SYNCRIP: variants seen among roughly 807,000 people sequenced by gnomAD.
SYNCRIP encodes synaptotagmin binding cytoplasmic RNA interacting protein.
A neutral mutation model predicts 68.9 loss-of-function variants in SYNCRIP; 9 were observed. The ratio of observed to expected loss-of-function variants is 0.13; its 90% CI spans 0.08 to 0.23. The LOEUF is 0.23. Among genes scored for constraint, SYNCRIP ranks in the 10% least tolerant of loss-of-function variants. SYNCRIP has a pLI of 1.00. For missense variants in SYNCRIP, 414 were observed against 770.6 expected, an observed-to-expected ratio of 0.54 and a Z score of 5.48; for synonymous variants, 258 against 254.0, an observed-to-expected ratio of 1.02 and a Z score of -0.15.
chr6:85,611,257 T>C (rs1463160152), downstream of SYNCRIP: 1 of 152,350 alleles, frequency 6.6e-6, no homozygotes, highest in African/African-American at 2.4e-5. Context: ...CACACATTTA[T>C]ATTAATGACA....
chr6:85,636,567 A>G (rs1808477237), intron 6 of SYNCRIP, among the ~76,000 whole-genome samples: 2 of 152,228 alleles, frequency 1.3e-5, no homozygotes, highest in Admixed American at 6.5e-5. Context: ...CTTTTGTTTC[A>G]TCAACTAGAA....
At chr6:85,640,870 A>G (rs541297174) in intron 2 of SYNCRIP, among the ~76,000 whole-genome samples, 1 of 152,168 alleles carries the variant, frequency 6.6e-6, no homozygotes, top group South Asian at 2.1e-4. Context: ...TCAACCAACA[A>G]AGTACCAAGC....
intron 10 of SYNCRIP, among the ~76,000 whole-genome samples, chr6:85,617,688 A>G (rs1805941233): frequency 6.6e-6 from 1 of 152,268 alleles, no homozygotes; most frequent in African/African-American, 2.4e-5. Context: ...CAACTGGACA[A>G]TTAACTGCAG....
chr6:85,618,885 A>T lies in SYNCRIP; in HGVS notation c.1213T>A (p.Phe405Ile), dbSNP rs1806076651. The change falls in exon 10 of 11, where the codon TTT becomes ATT. Residue 405 changes from phenylalanine to isoleucine, a missense_variant. Physicochemically the swap from Phe to Ile is conservative, Grantham distance 21. Around this residue, in one of 6 missense-constraint regions of SYNCRIP, gnomAD observed 51 missense variants for 151.1 expected, o/e 0.34. Transcript: ENST00000369622. ...DLEGENIEIVFAKPPDQKRKE... is the reference protein window; with the variant it reads ...DLEGENIEIVIAKPPDQKRKE... Reference sequence around the variant, plus strand: ...CTTTTCTGATCTGGTGGCTTGGCAAAAACAATTTCAATATTTTCTCCCTCC... The same window carrying T: ...CTTTTCTGATCTGGTGGCTTGGCAATAACAATTTCAATATTTTCTCCCTCC... 1 of 1,613,064 alleles carries T rather than the reference A, an allele frequency of 6.2e-7. No homozygotes were observed. Among genetic ancestry groups the T allele is most frequent in the African/African-American group, 1.3e-5 (1 of 74,854 alleles).
At chr6:85,630,450 T>G (rs1227201820) in intron 6 of SYNCRIP, among the ~76,000 whole-genome samples, 1 of 152,246 alleles carries the variant, frequency 6.6e-6, no homozygotes, top group Non-Finnish European at 1.5e-5. Flanking sequence ...TAGCATTTCA[T>G]CAGGATATTT....
intron 4 of SYNCRIP, among the ~76,000 whole-genome samples, chr6:85,639,834 G>A (rs1436613914): frequency 6.6e-6 from 1 of 152,018 alleles, no homozygotes; most frequent in East Asian, 1.9e-4. Flanking sequence ...GGGCAGCAGG[G>A]TTAACATTCT....
chr6:85,641,572 A>G (rs1283379042), intron 1 of SYNCRIP, 121 bp from the exon 2 acceptor site: 2 of 981,250 alleles, frequency 2.0e-6, no homozygotes, highest in African/African-American at 3.3e-5. Flanking sequence ...ACCTCCCTTT[A>G]AAAAAGCCTT....
At chr6:85,621,367 AT>A (rs376213419) in intron 8 of SYNCRIP, among the ~76,000 whole-genome samples, 8 of 152,306 alleles carry the variant, frequency 5.3e-5, no homozygotes, top group African/African-American at 1.9e-4. Context: ...TAATCCCAGC[AT>A]TTTGGGAAGC....
chr6:85,629,624 C>T (rs1807479088), intron 6 of SYNCRIP, among the ~76,000 whole-genome samples: 1 of 151,396 alleles, frequency 6.6e-6, no homozygotes, highest in South Asian at 2.1e-4. Context: ...GAATTTGAGA[C>T]CAGCCTGGCC....
At chr6:85,643,314 C>T (rs573617347), upstream of SYNCRIP, 2 of 152,388 alleles carry the variant, frequency 1.3e-5, no homozygotes, top group Non-Finnish European at 2.9e-5. Flanking sequence ...CTCTCTTTCT[C>T]TCTCCCGCGC....
At chr6:85,613,068 A>G (rs1253406429), downstream of SYNCRIP, 1 of 936,566 alleles carries the variant, frequency 1.1e-6, no homozygotes, top group Non-Finnish European at 1.5e-6. Flanking sequence ...TTTAATAACT[A>G]TGAACTTCTT....
intron 4 of SYNCRIP, among the ~76,000 whole-genome samples, chr6:85,639,273 A>T (rs1221195661): frequency 6.6e-6 from 1 of 152,214 alleles, no homozygotes; most frequent in Non-Finnish European, 1.5e-5. Context: ...CTGAAAGCTA[A>T]AAGTCACAAA....
chr6:85,608,670 T>TA (rs1237978738), exon 12 of SYNCRIP: 1 of 152,040 alleles, frequency 6.6e-6, no homozygotes, highest in Non-Finnish European at 1.5e-5. Context: ...ACTAGTCAGG[T>TA]ACAAGCTTTT....
chr6:85,616,890 A>G (rs745942715), intron 10 of SYNCRIP, among the ~76,000 whole-genome samples: 9 of 152,176 alleles, frequency 5.9e-5, no homozygotes, highest in Non-Finnish European at 1.2e-4. Flanking sequence ...ACTGGCATCT[A>G]GCAGGAAGAG....
rs1285336340 is a variant in SYNCRIP at position 85,623,605 on chromosome 6, ACT to A, written c.802+370_802+371del. 2.0e-5 allele frequency among the ~76,000 whole-genome samples: 3 copies of A among 150,516 alleles called. No homozygotes were observed. In the East Asian group the frequency reaches 5.9e-4, roughly 30 times the overall value. ...AAAACACTCTGCTACGGCAATACTT[ACT>A]ACTCCTGTAATTTCAAGAACATCAA... is the stretch of plus-strand genomic sequence containing the variant. On this transcript the variant is annotated intron_variant, in intron 7 of 10. Coordinates refer to ENST00000369622, the MANE Select transcript of SYNCRIP (RefSeq NM_006372.5).
chr6:85,640,432 G>T lies in SYNCRIP; in HGVS notation c.267+14C>A. ...ACTCAAATTTTTTAATTTTCACATT[G>T]ACATTAACATTACCTGAACATGAGA... On this transcript the variant is annotated intron_variant, in intron 3 of 10. Transcript: ENST00000369622. The T allele has an allele frequency of 6.3e-7, 1 of 1,589,576 alleles. No homozygotes were observed. The highest frequency in any genetic ancestry group is 8.6e-7 in the Non-Finnish European group (1 of 1,164,754).
chr6:85,633,734 G>C (rs545262402), intron 6 of SYNCRIP, among the ~76,000 whole-genome samples: 2 of 152,134 alleles, frequency 1.3e-5, no homozygotes, highest in African/African-American at 4.8e-5. Context: ...GCCCAGGCTG[G>C]AGTGCAGTGG....
chr6:85,632,070 G>C (rs1807863490), intron 6 of SYNCRIP, among the ~76,000 whole-genome samples: 1 of 152,118 alleles, frequency 6.6e-6, no homozygotes, highest in Non-Finnish European at 1.5e-5. Context: ...TAAGAAACTT[G>C]AAGTTGCTTT....
In SYNCRIP at chr6:85,636,720, C is replaced by A. The variant is rs1463363740; in HGVS notation, c.666+247G>T. On this transcript the variant is annotated intron_variant, in intron 6 of 10. Transcript: ENST00000369622. ...TTTAAACAAACACACAAAAACGTCA[C>A]TAAGCCAGATGTTTATAAGAACCAA... 3.9e-5 allele frequency among the ~76,000 whole-genome samples: 6 copies of A among 152,174 alleles called. No individual in the cohort carries two copies. The East Asian group carries it at 9.6e-4, about 24-fold the overall frequency.
Sources: allele counts gnomAD v4.1 joint callset (sites outside exome capture counted in the v4.1 genomes callset), GRCh38; gene constraint gnomAD v4.1.1; regional missense constraint gnomAD v4.1.1; transcripts MANE v1.5; gene names NCBI Gene and HGNC (gene_info 2026-07-23, HGNC 2026-07-21).